Variants in WDR17 observed in about 807,000 individuals in gnomAD.
WDR17 encodes WD repeat domain 17, also known as WD repeat-containing protein 17.
A neutral mutation model predicts 161.7 loss-of-function variants in WDR17; 143 were observed. The ratio of observed to expected loss-of-function variants is 0.88; its 90% CI spans 0.77 to 1.02. WDR17 has a LOEUF of 1.02. Among genes scored for constraint, WDR17 ranks in the 50% least tolerant of loss-of-function variants. The pLI is 0.00. For synonymous variants in WDR17, 517 were observed against 515.6 expected, an observed-to-expected ratio of 1.00 and a Z score of -0.04; for missense variants, 1,469 against 1,520.9, an observed-to-expected ratio of 0.97 and a Z score of 0.57.
chr4:176,130,070 A>T (rs969262910), intron 6 of WDR17, among the ~76,000 whole-genome samples: 2 of 152,154 alleles, frequency 1.3e-5, no homozygotes, highest in African/African-American at 4.8e-5. Context: ...CTTTCAGATT[A>T]CCTCTTCTTT....
chr4:176,150,296 T>A, intron 15 of WDR17, 123 bp downstream of exon 15: 1 of 1,473,612 alleles, frequency 6.8e-7, no homozygotes, highest in South Asian at 1.4e-5. Flanking sequence ...TACCATAATC[T>A]GTGCACTATA....
intron 12 of WDR17, among the ~76,000 whole-genome samples, chr4:176,147,542 C>A (rs17062533): frequency 0.27 from 40,276 of 151,964 alleles, 5,564 homozygotes; most frequent in African/African-American, 0.32. Context: ...CATAAATATC[C>A]AGTGACATTT....
chr4:176,166,586 T>C (rs1430047051), intron 22 of WDR17, among the ~76,000 whole-genome samples: 2 of 152,214 alleles, frequency 1.3e-5, no homozygotes, highest in African/African-American at 4.8e-5. Context: ...AAAATTTCAC[T>C]GTATGAAGAT....
intron 1 of WDR17, among the ~76,000 whole-genome samples, chr4:176,110,242 C>T (rs535326453): frequency 3.3e-4 from 50 of 152,112 alleles, no homozygotes; most frequent in African/African-American, 1.1e-3. Context: ...CCCAGGTTCA[C>T]TCCATTCTCC....
Position 176,131,749 on chromosome 4 carries a change from A to G in WDR17, c.1098+11A>G. Reference sequence around the variant, plus strand: ...TTTCTTAGAGACTTGGTATGTATGTAGTCATTCCTTTATTATACATAATAG... The same window carrying G: ...TTTCTTAGAGACTTGGTATGTATGTGGTCATTCCTTTATTATACATAATAG... On this transcript the variant is annotated intron_variant, in intron 7 of 28. Transcript: ENST00000508596. The G allele has an allele frequency of 6.3e-7, 1 of 1,584,632 alleles. No homozygotes were observed. The highest frequency in any genetic ancestry group is 8.6e-7 in the Non-Finnish European group (1 of 1,167,338).
At chr4:176,084,278 C>T (rs1735140095) in intron 1 of WDR17, among the ~76,000 whole-genome samples, 1 of 152,102 alleles carries the variant, frequency 6.6e-6, no homozygotes, top group South Asian at 2.1e-4. Context: ...TGCCTCCACT[C>T]ATGGTAGAAG....
At chr4:176,141,191 T>C (rs1473918959) in intron 10 of WDR17, among the ~76,000 whole-genome samples, 2 of 151,948 alleles carry the variant, frequency 1.3e-5, no homozygotes, top group African/African-American at 4.8e-5. Context: ...CCTTTTCTTA[T>C]GGCAGGGGAT....
At chr4:176,158,915 G>C (rs1357569891) in intron 18 of WDR17, among the ~76,000 whole-genome samples, 1 of 152,106 alleles carries the variant, frequency 6.6e-6, no homozygotes, top group Non-Finnish European at 1.5e-5. Context: ...AATGCCCAGG[G>C]AAGTAGATTA....
chr4:176,120,229 A>G, intron 4 of WDR17, 132 bp downstream of exon 4: 2 of 583,416 alleles, frequency 3.4e-6, no homozygotes, highest in Non-Finnish European at 5.7e-6. Context: ...TAATTTTGAT[A>G]TTATTATTGT....
intron 26 of WDR17, among the ~76,000 whole-genome samples, chr4:176,175,348 G>C (rs1002852356): frequency 6.6e-6 from 1 of 152,152 alleles, no homozygotes; most frequent in Non-Finnish European, 1.5e-5. Flanking sequence ...GGCATAACCT[G>C]TTAGCCATAC....
At chr4:176,136,486 G>C (rs1339009683) in intron 8 of WDR17, among the ~76,000 whole-genome samples, 2 of 151,640 alleles carry the variant, frequency 1.3e-5, no homozygotes, top group African/African-American at 4.8e-5. Context: ...GATCTAATCT[G>C]ACTTATAGCA....
intron 23 of WDR17, among the ~76,000 whole-genome samples, chr4:176,170,269 A>G (rs1408433503): frequency 1.3e-5 from 2 of 151,698 alleles, no homozygotes; most frequent in Non-Finnish European, 2.9e-5. Flanking sequence ...TTTTATTCCT[A>G]TAAACTTTAC....
intron 12 of WDR17, among the ~76,000 whole-genome samples, chr4:176,146,835 C>T (rs924213135): frequency 6.6e-6 from 1 of 151,562 alleles, no homozygotes; most frequent in Non-Finnish European, 1.5e-5. Flanking sequence ...GATATATTGT[C>T]GTGTGCAAGC....
chr4:176,139,881 A>G lies in WDR17; in HGVS notation c.1360-11A>G, dbSNP rs1202271182. Reference sequence around the variant, plus strand: ...TATTTCTTATTGATAGGTATTTTACATTTTTTGAAGCATGGAACAAATGGA... The same window carrying G: ...TATTTCTTATTGATAGGTATTTTACGTTTTTTGAAGCATGGAACAAATGGA... On this transcript the variant is annotated splice_polypyrimidine_tract_variant and intron_variant, in intron 9 of 28. Transcript: ENST00000508596. 53 of 1,599,870 alleles carry G rather than the reference A, an allele frequency of 3.3e-5. No homozygotes were observed. Among genetic ancestry groups the G allele is most frequent in the Non-Finnish European group, 4.3e-5 (51 of 1,174,268 alleles).
At chr4:176,141,679 C>T (rs1017912517) in intron 10 of WDR17, among the ~76,000 whole-genome samples, 5 of 152,098 alleles carry the variant, frequency 3.3e-5, no homozygotes, top group African/African-American at 1.2e-4. Context: ...GTGATCCACC[C>T]GCCTCGACCT....
intron 1 of WDR17, among the ~76,000 whole-genome samples, chr4:176,108,755 G>T (rs1042189527): frequency 1.3e-5 from 2 of 152,056 alleles, no homozygotes; most frequent in African/African-American, 4.8e-5. Context: ...TTAAAAATGT[G>T]TAAAAAACAT....
chr4:176,150,719 A>T lies in WDR17; in HGVS notation c.2304+126A>T, dbSNP rs143313861. ...AGATTTAAATAAATGAACACTGAGG[A>T]GATCCATCTTGGGTAAAATGAATCA... On this transcript the variant is annotated intron_variant, in intron 16 of 28. Coordinates refer to ENST00000508596, the MANE Select transcript of WDR17 (RefSeq NM_181265.4). 4.6e-5 allele frequency: 43 copies of T among 937,096 alleles called. No individual in the cohort carries two copies. In the African/African-American group the frequency reaches 5.7e-4, roughly 12 times the overall value. 58.0% of individuals were successfully genotyped at this position (937,096 alleles called of 1,614,324 possible). A position where few individuals can be genotyped will look rare whatever the true frequency, so the allele number is the denominator to read the frequency against.
intron 22 of WDR17, chr4:176,166,211 G>A: frequency 4.1e-6 from 2 of 485,844 alleles, no homozygotes; most frequent in South Asian, 7.8e-5. Flanking sequence ...TTTATTATTT[G>A]AATACTATCT....
chr4:176,179,371 T>C, intron 28 of WDR17, 89 bp from the exon 29 acceptor site: 1 of 1,286,886 alleles, frequency 7.8e-7, no homozygotes, highest in Non-Finnish European at 1.0e-6. Flanking sequence ...TATGTTTTTT[T>C]TTATTGCAGT....
Sources: gnomAD v4.1 joint callset for allele counts (sites outside exome capture counted in the v4.1 genomes callset) on GRCh38, gnomAD v4.1.1 for gene constraint, MANE v1.5 for transcripts, NCBI Gene and HGNC (gene_info 2026-07-23, HGNC 2026-07-21) for gene names.